The following NIBAN2 variants were observed in gnomAD, a reference collection of about 807,000 sequenced individuals.
NIBAN2 encodes the protein niban apoptosis regulator 2, also known as protein Niban 2.
Under a neutral mutation model 81.8 loss-of-function variants are expected in NIBAN2, and 36 were observed. That is an observed-to-expected ratio of 0.44 (90% CI 0.34 to 0.58). NIBAN2 has a LOEUF of 0.58. Ranked by LOEUF, NIBAN2 falls within the 20% of genes least tolerant of loss-of-function variation. The pLI, the probability that NIBAN2 is intolerant of heterozygous loss-of-function variation, is 0.02. For synonymous variants in NIBAN2, 445 were observed against 441.6 expected, an observed-to-expected ratio of 1.01 and a Z score of -0.10; for missense variants, 897 against 1,014.1, an observed-to-expected ratio of 0.88 and a Z score of 1.57.
intron 1 of NIBAN2, among the ~76,000 whole-genome samples, chr9:127,543,850 A>AG (rs1837424435): frequency 6.6e-6 from 1 of 152,240 alleles, no homozygotes; most frequent in Admixed American, 6.5e-5. Flanking sequence ...TCATAATTGC[A>AG]ACATGAGCTA....
At position 127,545,765 on chromosome 9, in the gene NIBAN2, G is replaced by A. The variant is rs943787984; in HGVS notation, c.56-13987C>T. On this transcript the variant is annotated intron_variant, in intron 1 of 13. Transcript: ENST00000373312. The surrounding 1 kb of genome is among the most constrained non-coding windows in gnomAD (Gnocchi z 4.7). ...CAAAAAAACGGGTGACCCAAAACCC[G>A]CCCACTGGGGCTGCCCTTTCCTTTA... Among the ~76,000 whole-genome samples the A allele has an allele frequency of 1.3e-5, 2 of 152,206 alleles. No homozygotes were observed. Among genetic ancestry groups the A allele is most frequent in the Non-Finnish European group, 2.9e-5 (2 of 68,022 alleles).
chr9:127,516,937 T>C lies in NIBAN2; in HGVS notation c.893A>G (p.Gln298Arg). The change falls in exon 8 of 14, where the codon CAG (glutamine) becomes CGG (arginine). Residue 298 changes from glutamine to arginine, a missense_variant. Gln to Arg is a conservative substitution (Grantham distance 43). This residue lies in a region of NIBAN2 where 619 missense variants were observed against 691.0 expected (regional missense o/e 0.90). Coordinates refer to ENST00000373312, the MANE Select transcript of NIBAN2 (RefSeq NM_022833.4). The stretch of plus-strand genomic sequence containing the variant: ...TCGGATGACGGCCTGCATGGCCGGC[T>C]GCACCTGCTGCACCTTGGACAGCAC... ...EEVLSKVQQVQPAMQAVIRTD... is the reference protein window; with the variant it reads ...EEVLSKVQQVRPAMQAVIRTD... 1 of 1,614,182 alleles carries C rather than the reference T, an allele frequency of 6.2e-7. No homozygotes were observed. The highest frequency in any genetic ancestry group is 1.7e-5 in the Admixed American group (1 of 60,034).
chr9:127,514,859 C>G (rs956828916), intron 8 of NIBAN2, among the ~76,000 whole-genome samples: 1 of 152,188 alleles, frequency 6.6e-6, no homozygotes, highest in African/African-American at 2.4e-5. Context: ...CAGGATCTGG[C>G]TAGTAAAGAA....
At chr9:127,562,662 C>T (rs148932962) in intron 1 of NIBAN2, among the ~76,000 whole-genome samples, 58 of 152,268 alleles carry the variant, frequency 3.8e-4, no homozygotes, top group Non-Finnish European at 7.1e-4. Context: ...CCCAGGTTGG[C>T]GGAAGCAGAG....
chr9:127,545,619 C>T lies in NIBAN2; in HGVS notation c.56-13841G>A, dbSNP rs1457858726. On this transcript the variant is annotated intron_variant, in intron 1 of 13. Coordinates refer to ENST00000373312, the MANE Select transcript of NIBAN2 (RefSeq NM_022833.4). This position sits in a 1 kb window ranked among gnomAD's most constrained non-coding sequence, Gnocchi z 4.7. ...ACAAGGCTGCCTTGAAAACTCTTCTCGGTTGGCAAATATTTAACCAGGGCT... is the reference window on the plus strand; with the variant it reads ...ACAAGGCTGCCTTGAAAACTCTTCTTGGTTGGCAAATATTTAACCAGGGCT... Among the ~76,000 whole-genome samples, 1 of 152,086 alleles carries T rather than the reference C, an allele frequency of 6.6e-6. No individual in the cohort carries two copies. Among genetic ancestry groups the T allele is most frequent in the Admixed American group, 6.5e-5 (1 of 15,272 alleles).
rs1330527958 is a variant in NIBAN2 at position 127,568,857 on chromosome 9, G to A, written c.18C>T (p.Ser6=). 2.9e-6 allele frequency: 4 copies of A among 1,366,154 alleles called. No individual in the cohort carries two copies. Among genetic ancestry groups the A allele is most frequent in the Non-Finnish European group, 3.8e-6 (4 of 1,054,720 alleles). The allele number at this position is 1,366,154 out of a possible 1,614,324, so 84.6% of individuals were successfully genotyped here. MGDVL[S]THLDDARRQH... is the part of the protein sequence containing the mutation. ...GGCGCCGGGCGTCGTCCAGGTGCGT[G>A]GACAGCACGTCCCCCATGGCCAGGA... The change falls in exon 1 of 14, where the codon TCC becomes TCT. Residue 6 remains serine (S), a synonymous_variant. Transcript: ENST00000373312.
chr9:127,572,773 G>A (rs945606870), upstream of NIBAN2, among the ~76,000 whole-genome samples: 6 of 151,996 alleles, frequency 3.9e-5, no homozygotes, highest in African/African-American at 7.3e-5. Context: ...GGCTGAGCAC[G>A]GTGGCTCACA....
At chr9:127,510,380 C>A in intron 8 of NIBAN2, 47 bp from the exon 9 acceptor site, 2 of 1,479,316 alleles carry the variant, frequency 1.4e-6, no homozygotes, top group Non-Finnish European at 1.8e-6. Flanking sequence ...CAAGGAGCAC[C>A]TCCCAGCCAT....
rs1837809210 is a variant in NIBAN2, at chr9:127,563,529, T to G, written c.55+5291A>C. Among the ~76,000 whole-genome samples, 1 of 151,802 alleles carries G rather than the reference T, an allele frequency of 6.6e-6. No individual in the cohort carries two copies. Among genetic ancestry groups the G allele is most frequent in the East Asian group, 1.9e-4 (1 of 5,152 alleles). On this transcript the variant is annotated intron_variant, in intron 1 of 13. Transcript: ENST00000373312. The surrounding 1 kb of genome is among the most constrained non-coding windows in gnomAD (Gnocchi z 4.1). ...CTTCCCAAATGTTGAGAGGTAGATT[T>G]TTTTTTTTTTTGAGACAGAGTCTCA... is the stretch of plus-strand genomic sequence containing the variant.
At chr9:127,524,235 G>A (rs1373046639) in intron 4 of NIBAN2, among the ~76,000 whole-genome samples, 1 of 152,188 alleles carries the variant, frequency 6.6e-6, no homozygotes, top group African/African-American at 2.4e-5. Context: ...TGTGGCTTAA[G>A]TGTCCACAGG....
chr9:127,528,888 C>T (rs527593143), intron 2 of NIBAN2, among the ~76,000 whole-genome samples: 59 of 152,338 alleles, frequency 3.9e-4, no homozygotes, highest in South Asian at 3.7e-3. Context: ...GACACAAGGA[C>T]GGGCACTCCG....
At chr9:127,566,900 C>T (rs1009206228) in intron 1 of NIBAN2, among the ~76,000 whole-genome samples, 11 of 151,170 alleles carry the variant, frequency 7.3e-5, no homozygotes, top group African/African-American at 2.7e-4. Flanking sequence ...CAACACCCCA[C>T]CCCCCCACAT....
chr9:127,525,051 C>T lies in NIBAN2; in HGVS notation c.421+7G>A, dbSNP rs931190684. 1 of 1,608,980 alleles carries T rather than the reference C, an allele frequency of 6.2e-7. No individual in the cohort carries two copies. The highest frequency in any genetic ancestry group is 8.5e-7 in the Non-Finnish European group (1 of 1,175,370). On this transcript the variant is annotated splice_region_variant and intron_variant, in intron 4 of 13. Transcript: ENST00000373312. The stretch of plus-strand genomic sequence containing the variant: ...GGCATTGTGGCCTGGGATGGGTGCT[C>T]CTTTACCTGGTAAGGAGTTGCCAAT...
At chr9:127,520,483 C>G (rs1309464134) in intron 5 of NIBAN2, among the ~76,000 whole-genome samples, 4 of 152,044 alleles carry the variant, frequency 2.6e-5, no homozygotes, top group Admixed American at 1.3e-4. Flanking sequence ...AGAGATCCAC[C>G]CACCTCAGCC....
In NIBAN2 at chr9:127,559,644, C is replaced by T. The variant is rs1229159258; in HGVS notation, c.55+9176G>A. ...GGGGCATGGGAAAGATGGACAGCAGCTGCAGTTGGCTTGGCCACAGATGGG... is the reference window on the plus strand; with the variant it reads ...GGGGCATGGGAAAGATGGACAGCAGTTGCAGTTGGCTTGGCCACAGATGGG... On this transcript the variant is annotated intron_variant, in intron 1 of 13. Transcript: ENST00000373312. This position sits in a 1 kb window ranked among gnomAD's most constrained non-coding sequence, Gnocchi z 4.0. Among the ~76,000 whole-genome samples, 1 of 152,236 alleles carries T rather than the reference C, an allele frequency of 6.6e-6. No individual in the cohort carries two copies. The highest frequency in any genetic ancestry group is 2.4e-5 in the African/African-American group (1 of 41,458).
At chr9:127,550,313 C>T (rs1176646934) in intron 1 of NIBAN2, among the ~76,000 whole-genome samples, 1 of 152,240 alleles carries the variant, frequency 6.6e-6, no homozygotes, top group Non-Finnish European at 1.5e-5. Context: ...GAGGAGCCCA[C>T]CATTAAGCCT....
chr9:127,506,461 G>A lies in NIBAN2; in HGVS notation c.*384C>T, dbSNP rs1836597076. ...AGCCAGCTCCTGGGTGAGTGGGCGG[G>A]AACCCACTGGGCTCACACCAGCTTT... On this transcript the variant is annotated 3_prime_UTR_variant, in exon 14 of 14. Coordinates refer to ENST00000373312, the MANE Select transcript of NIBAN2 (RefSeq NM_022833.4). The A allele has an allele frequency of 5.8e-6, 1 of 173,368 alleles. No homozygotes were observed. Among genetic ancestry groups the A allele is most frequent in the Non-Finnish European group, 1.2e-5 (1 of 82,378 alleles). The allele number at this position is 173,368 out of a possible 1,614,324, so 10.7% of individuals were successfully genotyped here. A position where few individuals can be genotyped will look rare whatever the true frequency, so the allele number is the denominator to read the frequency against.
Position 127,536,156 on chromosome 9 carries a change from G to T in NIBAN2, c.56-4378C>A, listed in dbSNP as rs1333199369. Among the ~76,000 whole-genome samples, 1 of 152,168 alleles carries T rather than the reference G, an allele frequency of 6.6e-6. No homozygotes were observed. Among genetic ancestry groups the T allele is most frequent in the Non-Finnish European group, 1.5e-5 (1 of 68,024 alleles). ...GTCCTCAGCCAGCATGGAAGGAACC[G>T]CCACGTGCTTTGTACAGAGGAAGTA... On this transcript the variant is annotated intron_variant, in intron 1 of 13. Transcript: ENST00000373312. This position sits in a 1 kb window ranked among gnomAD's most constrained non-coding sequence, Gnocchi z 4.0.
intron 1 of NIBAN2, among the ~76,000 whole-genome samples, chr9:127,543,683 C>T (rs1285131601): frequency 2.0e-5 from 3 of 152,204 alleles, no homozygotes; most frequent in African/African-American, 7.2e-5. Context: ...TACACATTTC[C>T]TACCTCCACA....
Sources: gnomAD v4.1 joint callset for allele counts (sites outside exome capture counted in the v4.1 genomes callset) on GRCh38, gnomAD v4.1.1 for gene constraint, gnomAD v4.1.1 regional missense constraint, Gnocchi (gnomAD v3.1) non-coding constraint, MANE v1.5 for transcripts, NCBI Gene and HGNC (gene_info 2026-07-23, HGNC 2026-07-21) for gene names.